The following CCDC148 variants were observed in gnomAD, a reference collection of about 807,000 sequenced individuals.
The protein encoded by CCDC148 is coiled-coil domain-containing protein 148.
A neutral mutation model predicts 85.7 loss-of-function variants in CCDC148; 89 were observed. That is an observed-to-expected ratio of 1.04 (90% CI 0.87 to 1.24). The LOEUF is 1.24. Among genes scored for constraint, CCDC148 ranks in the 50% most tolerant of loss-of-function variants. The pLI, the probability that CCDC148 is intolerant of heterozygous loss-of-function variation, is 0.00. For missense variants in CCDC148, 692 were observed against 671.7 expected, an observed-to-expected ratio of 1.03 and a Z score of -0.33; for synonymous variants, 230 against 213.9, an observed-to-expected ratio of 1.08 and a Z score of -0.66.
At chr2:158,297,118 T>C (rs902163261) in intron 9 of CCDC148, among the ~76,000 whole-genome samples, 1 of 152,196 alleles carries the variant, frequency 6.6e-6, no homozygotes, top group Non-Finnish European at 1.5e-5. Flanking sequence ...AAAATACTCA[T>C]GAACAACTGC....
At chr2:158,244,279 T>C (rs1688476284) in intron 10 of CCDC148, among the ~76,000 whole-genome samples, 1 of 152,156 alleles carries the variant, frequency 6.6e-6, no homozygotes, top group Admixed American at 6.6e-5. Flanking sequence ...AAATCGTTGT[T>C]GTATAAAAAT....
intron 1 of CCDC148, among the ~76,000 whole-genome samples, chr2:158,431,490 A>T (rs116570649): frequency 0.051 from 5,426 of 106,236 alleles, 117 homozygotes; most frequent in Non-Finnish European, 0.058. Context: ...GTGTTTTTTA[A>T]AAAAAAAAAA....
chr2:158,332,911 A>G (rs1051528462), intron 7 of CCDC148, among the ~76,000 whole-genome samples: 4 of 149,476 alleles, frequency 2.7e-5, no homozygotes, highest in African/African-American at 9.9e-5. Flanking sequence ...TGTCTACTTG[A>G]TTCTTCTCTT....
chr2:158,270,522 T>G (rs1460149768), intron 9 of CCDC148, among the ~76,000 whole-genome samples: 1 of 152,164 alleles, frequency 6.6e-6, no homozygotes, highest in East Asian at 1.9e-4. Flanking sequence ...ATCCTACACA[T>G]AAGAAATGTC....
intron 1 of CCDC148, among the ~76,000 whole-genome samples, chr2:158,437,060 T>C (rs1687691911): frequency 6.6e-6 from 1 of 152,326 alleles, no homozygotes; most frequent in South Asian, 2.1e-4. Context: ...AATGAGGAGC[T>C]GGTACCATTC....
intron 1 of CCDC148, among the ~76,000 whole-genome samples, chr2:158,406,630 T>TTTTG (rs1553518865): frequency 7.3e-6 from 1 of 136,724 alleles, no homozygotes; most frequent in Non-Finnish European, 1.6e-5. Context: ...TTTTTTTTTT[T>TTTTG]TTTTTTTTTT....
intron 1 of CCDC148, among the ~76,000 whole-genome samples, chr2:158,374,669 G>GTA (rs955522010): frequency 2.3e-5 from 3 of 133,216 alleles, no homozygotes; most frequent in East Asian, 5.5e-4. Context: ...ATATATGAGT[G>GTA]TATATATATA....
intron 1 of CCDC148, among the ~76,000 whole-genome samples, chr2:158,443,822 G>T (rs555996101): frequency 2.0e-5 from 3 of 152,276 alleles, no homozygotes; most frequent in African/African-American, 7.2e-5. Context: ...GAGGAAGCAG[G>T]CAGGACAGGC....
intron 1 of CCDC148, among the ~76,000 whole-genome samples, chr2:158,431,804 G>A (rs536348173): frequency 2.0e-5 from 3 of 152,090 alleles, no homozygotes; most frequent in Non-Finnish European, 4.4e-5. Flanking sequence ...TGGGTGTGAT[G>A]GTGTGTGCCT....
At chr2:158,293,544 T>C (rs914719519) in intron 9 of CCDC148, among the ~76,000 whole-genome samples, 17 of 152,210 alleles carry the variant, frequency 1.1e-4, no homozygotes, top group Admixed American at 5.9e-4. Context: ...CCAAGGACTA[T>C]AGTCACCACT....
intron 7 of CCDC148, among the ~76,000 whole-genome samples, chr2:158,314,599 CT>C (rs1429263459): frequency 2.0e-5 from 3 of 152,208 alleles, no homozygotes; most frequent in African/African-American, 7.2e-5. Context: ...GGTTTGCATT[CT>C]TTCTAGACTA....
chr2:158,293,703 T>C (rs1413323328), intron 9 of CCDC148, among the ~76,000 whole-genome samples: 5 of 152,058 alleles, frequency 3.3e-5, no homozygotes, highest in Non-Finnish European at 5.9e-5. Context: ...GAAGCAGAGG[T>C]TGAGTCTTAG....
intron 7 of CCDC148, among the ~76,000 whole-genome samples, chr2:158,315,962 C>T (rs143184736): frequency 6.6e-4 from 101 of 152,326 alleles, no homozygotes; most frequent in African/African-American, 2.3e-3. Flanking sequence ...CTTGCTTACA[C>T]ATTTCCCTTC....
At chr2:158,283,086 C>A (rs1690416924) in intron 9 of CCDC148, among the ~76,000 whole-genome samples, 2 of 152,164 alleles carry the variant, frequency 1.3e-5, no homozygotes, top group Non-Finnish European at 2.9e-5. Context: ...ATGTAGAAAG[C>A]TGAAACCGGA....
intron 11 of CCDC148, among the ~76,000 whole-genome samples, chr2:158,202,837 G>T (rs1342109166): frequency 6.6e-6 from 1 of 152,184 alleles, no homozygotes; most frequent in Non-Finnish European, 1.5e-5. Context: ...GCCAGATATG[G>T]ACTAACCCAG....
At chr2:158,333,406 T>C (rs1693252675) in intron 7 of CCDC148, among the ~76,000 whole-genome samples, 1 of 152,202 alleles carries the variant, frequency 6.6e-6, no homozygotes, top group Non-Finnish European at 1.5e-5. Flanking sequence ...TTCTGTTCTT[T>C]TGCATTTGCT....
intron 11 of CCDC148, among the ~76,000 whole-genome samples, chr2:158,199,617 G>A (rs1685851612): frequency 6.6e-6 from 1 of 152,058 alleles, no homozygotes; most frequent in Non-Finnish European, 1.5e-5. Flanking sequence ...GACTTTAGGT[G>A]CTTCTAGATG....
At chr2:158,318,390 A>G (rs1692373941) in intron 7 of CCDC148, among the ~76,000 whole-genome samples, 1 of 152,186 alleles carries the variant, frequency 6.6e-6, no homozygotes, top group Non-Finnish European at 1.5e-5. Flanking sequence ...GAAACAAACA[A>G]TTAAAAAAAA....
intron 2 of CCDC148, among the ~76,000 whole-genome samples, chr2:158,346,416 G>A (rs1446825974): frequency 6.6e-6 from 1 of 152,106 alleles, no homozygotes; most frequent in African/African-American, 2.4e-5. Context: ...CAGGAATTTG[G>A]CATGGCCTTG....
Sources: allele counts gnomAD v4.1 joint callset (sites outside exome capture counted in the v4.1 genomes callset), GRCh38; gene constraint gnomAD v4.1.1; transcripts MANE v1.5; gene names NCBI Gene and HGNC (gene_info 2026-07-23, HGNC 2026-07-21).